The following MCC variants were observed in gnomAD, a reference collection of about 807,000 sequenced individuals.
The protein encoded by MCC is colorectal mutant cancer protein.
MCC carries 90 observed loss-of-function variants against 116.2 expected under a neutral mutation model. The ratio of observed to expected loss-of-function variants is 0.77; its 90% CI spans 0.65 to 0.92. The LOEUF is 0.92. MCC is among the 40% of genes least tolerant of loss of function. The pLI is 0.00. For missense variants in MCC, 1,516 were observed against 1,312.2 expected (o/e 1.16, Z -2.40); for synonymous variants, 578 against 510.5 (o/e 1.13, Z -1.78).
At chr5:113,161,571 A>G (rs1284522010) in intron 3 of MCC, among the ~76,000 whole-genome samples, 1 of 151,996 alleles carries the variant, frequency 6.6e-6, no homozygotes, top group Non-Finnish European at 1.5e-5. Context: ...ATTTTAATGG[A>G]TTAAGGACAA....
chr5:113,376,489 A>C (rs985557196), intron 2 of MCC, among the ~76,000 whole-genome samples: 70 of 152,240 alleles, frequency 4.6e-4, no homozygotes, highest in Admixed American at 1.6e-3. Flanking sequence ...AAGAGACATA[A>C]AATAAAATGT....
intron 18 of MCC, 65 bp downstream of exon 18, chr5:113,028,869 G>A (rs1444347958): frequency 3.2e-6 from 5 of 1,567,630 alleles, no homozygotes; most frequent in East Asian, 2.3e-5. Flanking sequence ...GTGTCTACAT[G>A]CAGGGTGTCA....
chr5:113,072,072 T>A (rs915683094), intron 11 of MCC, among the ~76,000 whole-genome samples: 3 of 152,228 alleles, frequency 2.0e-5, no homozygotes, highest in African/African-American at 7.2e-5. Flanking sequence ...CCGTTTTCCA[T>A]CTCAGGGTAC....
chr5:113,245,023 C>G (rs947401215), intron 3 of MCC, among the ~76,000 whole-genome samples: 2 of 152,140 alleles, frequency 1.3e-5, no homozygotes, highest in Non-Finnish European at 2.9e-5. Context: ...GTAGCTTTTG[C>G]TTCTGGAAAG....
intron 17 of MCC, 132 bp downstream of exon 17, chr5:113,043,398 T>A (rs4277906): frequency 1.2e-6 from 1 of 836,390 alleles, no homozygotes; most frequent in Non-Finnish European, 2.0e-6. Flanking sequence ...GCCTTCTCCA[T>A]TTCTGGCTTC....
At chr5:113,435,095 C>T (rs542902731) in intron 1 of MCC, 3 of 475,330 alleles carry the variant, frequency 6.3e-6, no homozygotes, top group African/African-American at 5.7e-5. Context: ...ACTTGGAATC[C>T]TGGAAGGCTG....
Position 113,082,847 on chromosome 5 carries a change from G to C in MCC, c.1784+13C>G. On this transcript the variant is annotated intron_variant, in intron 11 of 18. Transcript: ENST00000408903. ...CCCTGCCCCACAATCAAATCGATACGATCTCTCCTCACCTATTCAGCCGTT... is the reference window on the plus strand; with the variant it reads ...CCCTGCCCCACAATCAAATCGATACCATCTCTCCTCACCTATTCAGCCGTT... 6.2e-7 allele frequency: 1 copy of C among 1,612,532 alleles called. No individual in the cohort carries two copies. The highest frequency in any genetic ancestry group is 8.5e-7 in the Non-Finnish European group (1 of 1,179,390).
intron 1 of MCC, among the ~76,000 whole-genome samples, chr5:113,469,473 T>G (rs1309061703): frequency 6.6e-6 from 1 of 152,204 alleles, no homozygotes; most frequent in Admixed American, 6.5e-5. Flanking sequence ...GTTGTTCAGT[T>G]TCCATGTAGT....
chr5:113,046,338 G>A (rs1404347783), intron 16 of MCC, among the ~76,000 whole-genome samples: 6 of 151,846 alleles, frequency 4.0e-5, no homozygotes, highest in Admixed American at 2.0e-4. Context: ...GATTACAGGC[G>A]CCACCACCAT....
chr5:113,479,909 T>C (rs1772331243), intron 1 of MCC, among the ~76,000 whole-genome samples: 1 of 152,242 alleles, frequency 6.6e-6, no homozygotes, highest in African/African-American at 2.4e-5. Context: ...AAAAATTGTG[T>C]TCCAGAGTTA....
At chr5:113,038,310 G>C (rs1339285093) in intron 17 of MCC, among the ~76,000 whole-genome samples, 1 of 151,934 alleles carries the variant, frequency 6.6e-6, no homozygotes, top group Admixed American at 6.6e-5. Flanking sequence ...AGAAGGAACA[G>C]CTGAAGACAT....
chr5:113,211,257 C>A (rs1763125387), intron 3 of MCC, among the ~76,000 whole-genome samples: 1 of 152,160 alleles, frequency 6.6e-6, no homozygotes, highest in South Asian at 2.1e-4. Flanking sequence ...TGTCTATAAA[C>A]CAGGAAGCAG....
At chr5:113,271,462 G>C (rs887692042) in intron 3 of MCC, among the ~76,000 whole-genome samples, 5 of 152,192 alleles carry the variant, frequency 3.3e-5, no homozygotes, top group African/African-American at 1.2e-4. Context: ...CCTTACTTTA[G>C]TAAAGAATTT....
intron 6 of MCC, among the ~76,000 whole-genome samples, chr5:113,115,624 C>G (rs1445562539): frequency 2.0e-5 from 3 of 152,074 alleles, no homozygotes; most frequent in African/African-American, 7.2e-5. Flanking sequence ...GTTACGCACC[C>G]CCACATAACT....
chr5:113,097,562 CA>C (rs1392596421), intron 8 of MCC, among the ~76,000 whole-genome samples: 3 of 152,088 alleles, frequency 2.0e-5, no homozygotes, highest in Non-Finnish European at 4.4e-5. Flanking sequence ...TACTATTTTG[CA>C]GTCTGCATTT....
chr5:113,107,311 G>C (rs753840013), intron 6 of MCC, among the ~76,000 whole-genome samples: 2 of 149,724 alleles, frequency 1.3e-5, no homozygotes, highest in Admixed American at 6.7e-5. Context: ...TCCACCTCCC[G>C]GGTTCAAGTG....
At chr5:113,379,099 C>T (rs1769050037) in intron 2 of MCC, among the ~76,000 whole-genome samples, 1 of 152,244 alleles carries the variant, frequency 6.6e-6, no homozygotes, top group Admixed American at 6.5e-5. Flanking sequence ...GACCCTGCCT[C>T]AAGTCCCTGA....
chr5:113,095,016 AAC>A (rs1755921041), intron 8 of MCC, among the ~76,000 whole-genome samples: 1 of 152,102 alleles, frequency 6.6e-6, no homozygotes, highest in African/African-American at 2.4e-5. Flanking sequence ...AGAGGAGGGG[AAC>A]ACAACACTGG....
At chr5:113,253,695 G>A (rs191325831) in intron 3 of MCC, among the ~76,000 whole-genome samples, 8 of 151,986 alleles carry the variant, frequency 5.3e-5, no homozygotes, top group Non-Finnish European at 8.8e-5. Context: ...AGATAAATAC[G>A]GAAAAAATGA....
Sources: allele counts gnomAD v4.1 joint callset (sites outside exome capture counted in the v4.1 genomes callset), GRCh38; gene constraint gnomAD v4.1.1; transcripts MANE v1.5; gene names NCBI Gene and HGNC (gene_info 2026-07-23, HGNC 2026-07-21).